PRTG: variants seen among roughly 807,000 people sequenced by gnomAD.
PRTG encodes the protein immunoglobulin superfamily, DCC subclass, member 5.
Under a neutral mutation model 122.5 loss-of-function variants are expected in PRTG, and 67 were observed. The ratio of observed to expected loss-of-function variants is 0.55; its 90% confidence interval spans 0.45 to 0.67. The LOEUF is 0.67. Ranked by LOEUF, PRTG falls within the 30% of genes least tolerant of loss-of-function variation. The pLI is 0.00. For missense variants in PRTG, 1,435 were observed against 1,415.4 expected, an observed-to-expected ratio of 1.01 and a Z score of -0.22; for synonymous variants, 554 against 501.1, an observed-to-expected ratio of 1.11 and a Z score of -1.41.
At position 55,673,373 on chromosome 15, in the gene PRTG, T is replaced by A; in HGVS notation, c.1850A>T (p.Lys617Ile). 6.2e-7 allele frequency: 1 copy of A among 1,608,094 alleles called. No homozygotes were observed. The highest frequency in any genetic ancestry group is 8.5e-7 in the Non-Finnish European group (1 of 1,174,940). Reference sequence around the variant, plus strand: ...CTTAACAGTCTTCAGAAATTCACCTTTCACGCTTGTAGCTTTGGGCGTCCT... The same window carrying A: ...CTTAACAGTCTTCAGAAATTCACCTATCACGCTTGTAGCTTTGGGCGTCCT... ...SHRTPKATSVKAPKSPELHLE... is the reference protein window; with the variant it reads ...SHRTPKATSVIAPKSPELHLE... Residue 617 changes from lysine to isoleucine, a missense_variant and splice_region_variant, in exon 10 of 20, where the codon AAA (lysine) becomes ATA (isoleucine). Lys to Ile is a moderately radical substitution (Grantham distance 102). Coordinates refer to ENST00000389286, the MANE Select transcript of PRTG (RefSeq NM_173814.6).
At chr15:55,695,092 C>G (rs2059625109) in intron 2 of PRTG, among the ~76,000 whole-genome samples, 1 of 152,030 alleles carries the variant, frequency 6.6e-6, no homozygotes. Context: ...CTTCACCTGT[C>G]TATTTAATCA....
At chr15:55,718,721 T>C (rs886896229) in intron 2 of PRTG, among the ~76,000 whole-genome samples, 17 of 152,092 alleles carry the variant, frequency 1.1e-4, no homozygotes, top group African/African-American at 4.1e-4. Flanking sequence ...ATGTTTATGA[T>C]AGGCCTCTTA....
chr15:55,616,707 T>A lies in PRTG; in HGVS notation c.*3305A>T, dbSNP rs546688047. ...CTATATGCGGAGGTAACCTTAAATA[T>A]CTTTGGTTTTTTTCTTTTTAATTTG... On this transcript the variant is annotated 3_prime_UTR_variant, in exon 20 of 20. Coordinates refer to ENST00000389286, the MANE Select transcript of PRTG (RefSeq NM_173814.6). 6.6e-6 allele frequency: 1 copy of A among 152,288 alleles called. No individual in the cohort carries two copies. Among genetic ancestry groups the A allele is most frequent in the East Asian group, 1.9e-4 (1 of 5,186 alleles). 9.4% of individuals were successfully genotyped at this position (152,288 alleles called of 1,614,324 possible). A position where few individuals can be genotyped will look rare whatever the true frequency, so the allele number is the denominator to read the frequency against.
Position 55,613,692 on chromosome 15 carries a change from T to C in PRTG, c.*6320A>G, listed in dbSNP as rs1290900535. On this transcript the variant is annotated 3_prime_UTR_variant, in exon 20 of 20. Transcript: ENST00000389286. ...TCTGACACAACCTGGCTTTTGTGGA[T>C]ACAAGGAAAAAACAGTTGTATCTGG... is the stretch of plus-strand genomic sequence containing the variant. 1.3e-5 allele frequency: 2 copies of C among 151,102 alleles called. No homozygotes were observed. The highest frequency in any genetic ancestry group is 3.0e-5 in the Non-Finnish European group (2 of 67,750). The allele number at this position is 151,102 out of a possible 1,614,324, so 9.4% of individuals were successfully genotyped here.
At chr15:55,703,347 T>C (rs940614176) in intron 2 of PRTG, among the ~76,000 whole-genome samples, 4 of 152,182 alleles carry the variant, frequency 2.6e-5, no homozygotes, top group Non-Finnish European at 4.4e-5. Context: ...CATCTGCGGC[T>C]GAAGTATAGG....
At chr15:55,741,673 T>C (rs2031613648) in intron 1 of PRTG, among the ~76,000 whole-genome samples, 1 of 152,228 alleles carries the variant, frequency 6.6e-6, no homozygotes, top group Admixed American at 6.5e-5. Flanking sequence ...ACCTTCCTCC[T>C]GATCGTTGTG....
chr15:55,738,542 A>G (rs1277540690), intron 2 of PRTG: 2 of 700,986 alleles, frequency 2.9e-6, no homozygotes, highest in South Asian at 3.0e-5. Flanking sequence ...ATGAAAACAC[A>G]GGATTCTACA....
intron 15 of PRTG, 58 bp downstream of exon 15, chr15:55,637,112 G>T (rs535907921): frequency 7.9e-7 from 1 of 1,259,778 alleles, no homozygotes; most frequent in South Asian, 2.4e-5. Context: ...CTTTCCTTTT[G>T]TTTCTTTAAT....
At chr15:55,725,119 C>T (rs1417755188) in intron 2 of PRTG, among the ~76,000 whole-genome samples, 1 of 152,128 alleles carries the variant, frequency 6.6e-6, no homozygotes, top group Admixed American at 6.6e-5. Context: ...ATATCACTAT[C>T]TATACAAAAC....
intron 9 of PRTG, 147 bp downstream of exon 9, chr15:55,675,372 A>G (rs2059496635): frequency 3.9e-6 from 2 of 515,676 alleles, no homozygotes; most frequent in Non-Finnish European, 6.6e-6. Context: ...ACTGGCAAAA[A>G]GCAAGAGTGA....
chr15:55,726,997 T>C (rs1271800232), intron 2 of PRTG, among the ~76,000 whole-genome samples: 1 of 150,560 alleles, frequency 6.6e-6, no homozygotes, highest in Non-Finnish European at 1.5e-5. Context: ...CCAAAACTTA[T>C]GGGATGCAGT....
rs1216128927 is a variant in PRTG at position 55,618,930 on chromosome 15, A to G, written c.*1082T>C. ...AGTTCATTTTACTGTCTACTGTTGC[A>G]TTTACCTTCATTCTTAATAGTTCAT... On this transcript the variant is annotated 3_prime_UTR_variant, in exon 20 of 20. Coordinates refer to ENST00000389286, the MANE Select transcript of PRTG (RefSeq NM_173814.6). The G allele has an allele frequency of 6.6e-6, 1 of 152,162 alleles. No individual in the cohort carries two copies. Among genetic ancestry groups the G allele is most frequent in the African/African-American group, 2.4e-5 (1 of 41,432 alleles). 9.4% of individuals were successfully genotyped at this position (152,162 alleles called of 1,614,324 possible).
chr15:55,678,245 T>C (rs921954033), intron 7 of PRTG, among the ~76,000 whole-genome samples: 2 of 152,116 alleles, frequency 1.3e-5, no homozygotes, highest in African/African-American at 2.4e-5. Flanking sequence ...TTCTTTCTGT[T>C]GTTGTTGTTT....
chr15:55,624,954 G>A (rs1169416919), intron 17 of PRTG, among the ~76,000 whole-genome samples: 1 of 152,026 alleles, frequency 6.6e-6, no homozygotes, highest in African/African-American at 2.4e-5. Flanking sequence ...TGAGAAACTT[G>A]GACAATAAAA....
intron 2 of PRTG, among the ~76,000 whole-genome samples, chr15:55,703,779 T>G (rs1280691444): frequency 6.6e-6 from 1 of 152,212 alleles, no homozygotes; most frequent in African/African-American, 2.4e-5. Flanking sequence ...TTAAAAACTA[T>G]TCTGTCTCCA....
intron 13 of PRTG, 121 bp from the exon 14 acceptor site, chr15:55,638,797 T>C (rs1317633127): frequency 7.5e-6 from 6 of 796,472 alleles, no homozygotes; most frequent in Non-Finnish European, 3.9e-6. Context: ...TTATTTTATA[T>C]GAAAAAATGT....
At chr15:55,740,200 T>C (rs2031563463) in intron 2 of PRTG, among the ~76,000 whole-genome samples, 182 bp downstream of exon 2, 1 of 152,236 alleles carries the variant, frequency 6.6e-6, no homozygotes, top group East Asian at 1.9e-4. Context: ...TCTCAATTAC[T>C]CATTTGAATT....
chr15:55,696,920 A>G (rs1014882754), intron 2 of PRTG, among the ~76,000 whole-genome samples: 3 of 152,234 alleles, frequency 2.0e-5, no homozygotes, highest in Admixed American at 6.5e-5. Context: ...ACTTTGTAAC[A>G]AAGTTGGGAA....
At chr15:55,656,437 A>C in intron 11 of PRTG, 1 of 429,964 alleles carries the variant, frequency 2.3e-6, no homozygotes. Context: ...TAAAAAATCT[A>C]TAATCTATAA....
Sources: gnomAD v4.1 joint callset for allele counts (sites outside exome capture counted in the v4.1 genomes callset) on GRCh38, gnomAD v4.1.1 for gene constraint, MANE v1.5 for transcripts, NCBI Gene and HGNC (gene_info 2026-07-23, HGNC 2026-07-21) for gene names.